The following TMEM236 variants were observed in gnomAD, a reference collection of about 807,000 sequenced individuals.
TMEM236 encodes transmembrane protein 236.
Under a neutral mutation model 14.7 loss-of-function variants are expected in TMEM236, and 11 were observed. That is an observed-to-expected ratio of 0.75 (90% CI 0.47 to 1.24). TMEM236 has a LOEUF of 1.24. TMEM236 is among the 50% of genes most tolerant of loss of function. TMEM236 has a pLI of 0.00. For missense variants in TMEM236, 464 were observed against 427.3 expected (o/e 1.09, Z -0.76); for synonymous variants, 182 against 168.6 (o/e 1.08, Z -0.62).
intron 3 of TMEM236, among the ~76,000 whole-genome samples, chr10:17,779,619 C>CA (rs1837716017): frequency 6.6e-6 from 1 of 152,076 alleles, no homozygotes; most frequent in African/African-American, 2.4e-5. Context: ...CCCTGTTGGC[C>CA]AGGCTGGTCT....
intron 3 of TMEM236, among the ~76,000 whole-genome samples, chr10:17,784,285 T>G (rs1837799766): frequency 6.6e-6 from 1 of 152,218 alleles, no homozygotes; most frequent in East Asian, 1.9e-4. Flanking sequence ...TTAGACAAGA[T>G]AGTCAACATG....
intron 1 of TMEM236, among the ~76,000 whole-genome samples, chr10:17,769,793 C>G (rs1348563500): frequency 6.6e-6 from 1 of 152,150 alleles, no homozygotes; most frequent in East Asian, 1.9e-4. Flanking sequence ...GGAGGCAAGA[C>G]AGCGCCAAAG....
chr10:17,793,081 G>A (rs942643585), intron 3 of TMEM236, among the ~76,000 whole-genome samples: 18 of 152,152 alleles, frequency 1.2e-4, no homozygotes, highest in Non-Finnish European at 1.5e-5. Flanking sequence ...AAAAGAGGAA[G>A]CAGAGTCCCT....
chr10:17,790,467 G>C lies in TMEM236; in HGVS notation c.473-5454G>C, dbSNP rs956956605. On this transcript the variant is annotated intron_variant, in intron 3 of 3. Transcript: ENST00000377495. ...GATAGTTGGGAGGCTGGGGCAGGAG[G>C]ATCGCTTGAGCCCAGAAGCTTGAGG... Among the ~76,000 whole-genome samples, 342 of 152,284 alleles carry C rather than the reference G, an allele frequency of 2.2e-3. 1 individual carries two copies. The highest frequency in any genetic ancestry group is 8.0e-3 in the African/African-American group (334 of 41,550).
chr10:17,796,056 C>A lies in TMEM236; in HGVS notation c.608C>A (p.Ala203Asp). 1 of 1,613,926 alleles carries A rather than the reference C, an allele frequency of 6.2e-7. No individual in the cohort carries two copies. The highest frequency in any genetic ancestry group is 1.7e-5 in the Admixed American group (1 of 60,014). Residue 203 changes from alanine (A) to aspartate (D), a missense_variant, in exon 4 of 4, where the codon GCC (alanine) becomes GAC (aspartate). By Grantham distance (126) the Ala-to-Asp change is moderately radical. Transcript: ENST00000377495. ...ACCCAGGTGTCGCAGCCATCAGGAG[C>A]CATGACACGGAGCCAGGAGTCTGTG... ...NSTQVSQPSG[A>D]MTRSQESVFM... is the part of the protein sequence containing the mutation.
intron 1 of TMEM236, among the ~76,000 whole-genome samples, chr10:17,761,744 C>T (rs1158222707): frequency 1.3e-5 from 2 of 152,012 alleles, no homozygotes; most frequent in African/African-American, 4.8e-5. Flanking sequence ...CAGCCGCACC[C>T]CTTAAAAATC....
rs1364452217 is a variant in TMEM236 at position 17,783,543 on chromosome 10, C to T, written c.472+7373C>T. 2.0e-5 allele frequency among the ~76,000 whole-genome samples: 3 copies of T among 152,126 alleles called. No individual in the cohort carries two copies. The East Asian group carries it at 5.8e-4, about 29-fold the overall frequency. On this transcript the variant is annotated intron_variant, in intron 3 of 3. Transcript: ENST00000377495. Reference sequence around the variant, plus strand: ...TGCCTTCTGTGTGGTCTTTTAATATCAGAAACTTGAGTCAGTGCCTGCAGG... The same window carrying T: ...TGCCTTCTGTGTGGTCTTTTAATATTAGAAACTTGAGTCAGTGCCTGCAGG...
At chr10:17,760,918 C>G (rs1243081888) in intron 1 of TMEM236, among the ~76,000 whole-genome samples, 1 of 152,178 alleles carries the variant, frequency 6.6e-6, no homozygotes, top group African/African-American at 2.4e-5. Context: ...TATTCAATTA[C>G]CTCCCACCAG....
chr10:17,796,880 C>T lies in TMEM236; in HGVS notation c.*376C>T, dbSNP rs953243762. 66 of 269,118 alleles carry T rather than the reference C, an allele frequency of 2.5e-4. 1 individual carries two copies. Among genetic ancestry groups the T allele is most frequent in the South Asian group, 1.7e-4 (4 of 23,936 alleles). 16.7% of individuals were successfully genotyped at this position (269,118 alleles called of 1,614,324 possible). On this transcript the variant is annotated 3_prime_UTR_variant, in exon 4 of 4. Coordinates refer to ENST00000377495, the MANE Select transcript of TMEM236 (RefSeq NM_001098844.3). The stretch of plus-strand genomic sequence containing the variant: ...AAACTGAGCGTTCCCGCCTGCATTC[C>T]GCCTCCTGTCAGATCAGCAGCAGCA...
At chr10:17,781,321 G>T (rs1190350993) in intron 3 of TMEM236, among the ~76,000 whole-genome samples, 3 of 152,164 alleles carry the variant, frequency 2.0e-5, no homozygotes, top group South Asian at 4.1e-4. Context: ...ATTAAGCTTG[G>T]TTGGATTTCA....
intron 2 of TMEM236, 45 bp from the exon 3 acceptor site, chr10:17,775,984 G>T: frequency 1.3e-5 from 21 of 1,611,212 alleles, no homozygotes; most frequent in Non-Finnish European, 1.8e-5. Context: ...TTTGAGCAAA[G>T]AAAGCACAAT....
chr10:17,754,954 T>TTATA (rs1197630391), intron 1 of TMEM236, among the ~76,000 whole-genome samples: 1 of 151,530 alleles, frequency 6.6e-6, no homozygotes, highest in Non-Finnish European at 1.5e-5. Context: ...ATTTATTTAT[T>TTATA]TGAGACAGAG....
At chr10:17,753,950 A>C (rs968647961) in intron 1 of TMEM236, among the ~76,000 whole-genome samples, 3 of 152,244 alleles carry the variant, frequency 2.0e-5, no homozygotes, top group Admixed American at 1.3e-4. Context: ...ATGTGACATT[A>C]ATGGGAGGCT....
intron 1 of TMEM236, among the ~76,000 whole-genome samples, chr10:17,766,167 C>T (rs1029004715): frequency 1.7e-4 from 26 of 152,310 alleles, no homozygotes; most frequent in Non-Finnish European, 3.2e-4. Flanking sequence ...CAACTTATCT[C>T]TCTTTCTTCA....
chr10:17,766,389 C>G lies in TMEM236; in HGVS notation c.258-4920C>G, dbSNP rs1837464628. Among the ~76,000 whole-genome samples, 4 of 152,266 alleles carry G rather than the reference C, an allele frequency of 2.6e-5. No homozygotes were observed. The South Asian group carries it at 8.3e-4, about 32-fold the overall frequency. On this transcript the variant is annotated intron_variant, in intron 1 of 3. Coordinates refer to ENST00000377495, the MANE Select transcript of TMEM236 (RefSeq NM_001098844.3). ...TATGTTCCTCATTTCCATCTTAAACCTCACCAGAAGCACCTTAGCATTCAT... is the reference window on the plus strand; with the variant it reads ...TATGTTCCTCATTTCCATCTTAAACGTCACCAGAAGCACCTTAGCATTCAT...
At chr10:17,756,456 C>T (rs1015968458) in intron 1 of TMEM236, among the ~76,000 whole-genome samples, 2 of 152,010 alleles carry the variant, frequency 1.3e-5, no homozygotes, top group East Asian at 1.9e-4. Flanking sequence ...CGACCACACC[C>T]GACTAATTTT....
chr10:17,783,503 A>G (rs1017801740), intron 3 of TMEM236, among the ~76,000 whole-genome samples: 2 of 152,146 alleles, frequency 1.3e-5, no homozygotes, highest in Admixed American at 6.5e-5. Context: ...TCTGCTCCCA[A>G]TGGCCCTCGT....
intron 1 of TMEM236, among the ~76,000 whole-genome samples, chr10:17,758,516 C>T (rs983213498): frequency 1.3e-5 from 2 of 152,112 alleles, no homozygotes; most frequent in Non-Finnish European, 1.5e-5. Context: ...TTAATTTTTT[C>T]GTGAGCAAAA....
At chr10:17,787,809 A>T (rs1320016454) in intron 3 of TMEM236, among the ~76,000 whole-genome samples, 1 of 152,194 alleles carries the variant, frequency 6.6e-6, no homozygotes, top group Non-Finnish European at 1.5e-5. Flanking sequence ...GAGGTTCTTA[A>T]GAATGCAATG....
Sources: gnomAD v4.1 joint callset for allele counts (sites outside exome capture counted in the v4.1 genomes callset) on GRCh38, gnomAD v4.1.1 for gene constraint, MANE v1.5 for transcripts, NCBI Gene and HGNC (gene_info 2026-07-23, HGNC 2026-07-21) for gene names.